RAPGEF4: variants seen among roughly 807,000 people sequenced by gnomAD.
RAPGEF4 encodes RAP guanine-nucleotide-exchange factor (GEF) 4.
A neutral mutation model predicts 147.9 loss-of-function variants in RAPGEF4; 66 were observed. The observed-to-expected ratio is 0.45, with a 90% confidence interval of 0.37 to 0.55. The LOEUF (loss-of-function observed/expected upper bound fraction) is 0.55. RAPGEF4 is among the 20% of genes least tolerant of loss of function. The probability of loss-of-function intolerance (pLI) is 0.00; values close to 1 mark genes in which losing one functional copy is unlikely to be tolerated. For synonymous variants in RAPGEF4, 419 were observed against 442.7 expected (o/e 0.95, Z 0.67); for missense variants, 1,071 against 1,257.3 (o/e 0.85, Z 2.24).
chr2:172,762,403 C>A (rs1696434787), intron 1 of RAPGEF4, among the ~76,000 whole-genome samples: 1 of 152,202 alleles, frequency 6.6e-6, no homozygotes, highest in African/African-American at 2.4e-5. Flanking sequence ...ACATATTTAT[C>A]ACTGAGATCT....
chr2:173,027,239 A>T lies in RAPGEF4; in HGVS notation c.2538A>T (p.Lys846Asn). Residue 846 changes from lysine to asparagine, a missense_variant, in exon 25 of 31, where the codon AAA (lysine) becomes AAT (asparagine). Transcript: ENST00000397081. ...GCAAGCGTGTTCAGCTATTAAAAAAATTTATTAAGATAGCAGCCCAGTAAG... is the reference window on the plus strand; with the variant it reads ...GCAAGCGTGTTCAGCTATTAAAAAATTTTATTAAGATAGCAGCCCAGTAAG... Reference protein sequence around the residue: ...QLSKRVQLLKKFIKIAAHCKE... With the variant: ...QLSKRVQLLKNFIKIAAHCKE... 1.3e-6 allele frequency: 2 copies of T among 1,595,624 alleles called. No individual in the cohort carries two copies. The highest frequency in any genetic ancestry group is 1.7e-6 in the Non-Finnish European group (2 of 1,175,304).
chr2:172,766,750 G>A (rs1696884689), intron 1 of RAPGEF4, among the ~76,000 whole-genome samples: 1 of 152,158 alleles, frequency 6.6e-6, no homozygotes, highest in South Asian at 2.1e-4. Flanking sequence ...GCATTTTCTA[G>A]AGTTTATTAT....
chr2:172,918,188 G>T, intron 5 of RAPGEF4: 1 of 475,792 alleles, frequency 2.1e-6, no homozygotes, highest in Admixed American at 3.2e-5. Context: ...TTTAAAGAAG[G>T]GATGCACGAA....
chr2:172,764,094 A>G (rs948594571), intron 1 of RAPGEF4, among the ~76,000 whole-genome samples: 5 of 152,028 alleles, frequency 3.3e-5, no homozygotes, highest in African/African-American at 1.2e-4. Flanking sequence ...CTCTACAAAA[A>G]TAAAAAAAAA....
chr2:172,821,883 GAA>G (rs1212748380), intron 4 of RAPGEF4: 2 of 1,603,192 alleles, frequency 1.2e-6, no homozygotes, highest in African/African-American at 2.7e-5. Context: ...GAACGGCAAT[GAA>G]GGTACATTTT....
intron 6 of RAPGEF4, among the ~76,000 whole-genome samples, chr2:172,937,037 CAAA>C (rs34104170): frequency 2.9e-4 from 15 of 52,600 alleles, no homozygotes; most frequent in Admixed American, 1.4e-3. Flanking sequence ...CCTCTCTCTG[CAAA>C]AAAAAAAAAA....
intron 4 of RAPGEF4, chr2:172,917,393 T>C (rs185688996): frequency 2.1e-6 from 1 of 476,428 alleles, no homozygotes; most frequent in Non-Finnish European, 4.1e-6. Flanking sequence ...AGAAGCTGAT[T>C]CAGTGCCATT....
rs182020474 is a variant in RAPGEF4, at chr2:172,951,161, G to A, written c.538-9599G>A. On this transcript the variant is annotated intron_variant, in intron 6 of 30. Coordinates refer to ENST00000397081, the MANE Select transcript of RAPGEF4 (RefSeq NM_007023.4). ...AAAAAACAAAGGACTAGGAAGAGGG[G>A]AATTACTTAGTATTCCTCTCTGTCA... Among the ~76,000 whole-genome samples the A allele has an allele frequency of 3.3e-5, 5 of 152,282 alleles. No homozygotes were observed. The East Asian group carries it at 9.7e-4, about 29-fold the overall frequency.
At chr2:172,885,615 T>A (rs1379298161) in intron 4 of RAPGEF4, among the ~76,000 whole-genome samples, 1 of 152,134 alleles carries the variant, frequency 6.6e-6, no homozygotes, top group African/African-American at 2.4e-5. Flanking sequence ...GAGAGCCAAA[T>A]GAAAGGGGTT....
intron 3 of RAPGEF4, among the ~76,000 whole-genome samples, chr2:172,811,583 G>T (rs1038682466): frequency 2.0e-5 from 3 of 152,220 alleles, no homozygotes; most frequent in Admixed American, 6.5e-5. Context: ...TGAGCAGTAT[G>T]TATAAGCGTA....
intron 4 of RAPGEF4, among the ~76,000 whole-genome samples, chr2:172,832,341 A>G (rs1464904149): frequency 3.3e-5 from 5 of 152,208 alleles, no homozygotes; most frequent in Non-Finnish European, 5.9e-5. Context: ...ATATGTATAC[A>G]AAGTTCAAAC....
intron 1 of RAPGEF4, among the ~76,000 whole-genome samples, chr2:172,772,198 C>T (rs1258558564): frequency 6.6e-6 from 1 of 152,040 alleles, no homozygotes; most frequent in Non-Finnish European, 1.5e-5. Flanking sequence ...ATGATCTGGC[C>T]ACTGTACTCC....
chr2:172,994,094 T>G (rs1388963298), intron 15 of RAPGEF4, among the ~76,000 whole-genome samples: 4 of 152,196 alleles, frequency 2.6e-5, no homozygotes, highest in Non-Finnish European at 5.9e-5. Context: ...GGGACACATT[T>G]TACAAACTGA....
chr2:172,789,039 G>C (rs1685537428), intron 1 of RAPGEF4, among the ~76,000 whole-genome samples: 2 of 152,220 alleles, frequency 1.3e-5, no homozygotes, highest in Non-Finnish European at 1.5e-5. Flanking sequence ...CTTGTTGGCT[G>C]TCAGTCAGTA....
chr2:172,751,324 G>C (rs142758316), intron 1 of RAPGEF4, among the ~76,000 whole-genome samples: 1 of 152,270 alleles, frequency 6.6e-6, no homozygotes, highest in Non-Finnish European at 1.5e-5. Context: ...AATTCTAGGT[G>C]GGAAGACATT....
intron 10 of RAPGEF4, among the ~76,000 whole-genome samples, chr2:172,976,694 C>A (rs1019579030): frequency 1.3e-5 from 2 of 152,192 alleles, no homozygotes; most frequent in Non-Finnish European, 2.9e-5. Context: ...TTCTTACCTG[C>A]ATATTTTACT....
intron 1 of RAPGEF4, among the ~76,000 whole-genome samples, chr2:172,756,660 G>A (rs1278373206): frequency 6.6e-6 from 1 of 152,156 alleles, no homozygotes; most frequent in Non-Finnish European, 1.5e-5. Context: ...CCCACACCTG[G>A]AGGTGGTCAC....
At chr2:172,950,857 A>T (rs1485620174) in intron 6 of RAPGEF4, among the ~76,000 whole-genome samples, 1 of 152,250 alleles carries the variant, frequency 6.6e-6, no homozygotes, top group Non-Finnish European at 1.5e-5. Context: ...GACTAGATCC[A>T]ATCTTTAGAA....
intron 30 of RAPGEF4, among the ~76,000 whole-genome samples, chr2:173,050,870 C>T (rs1377978279): frequency 6.6e-6 from 1 of 152,042 alleles, no homozygotes; most frequent in Non-Finnish European, 1.5e-5. Context: ...TCCAGTTCAC[C>T]ACCTTCTGGT....
Sources: gnomAD v4.1 joint callset for allele counts (sites outside exome capture counted in the v4.1 genomes callset) on GRCh38, gnomAD v4.1.1 for gene constraint, MANE v1.5 for transcripts, NCBI Gene and HGNC (gene_info 2026-07-23, HGNC 2026-07-21) for gene names.